BMP6: variants seen among roughly 807,000 people sequenced by gnomAD.
BMP6 encodes bone morphogenetic protein 6.
A neutral mutation model predicts 54.1 loss-of-function variants in BMP6; 17 were observed. The ratio of observed to expected loss-of-function variants is 0.31; its 90% CI spans 0.22 to 0.47. The LOEUF is 0.47. BMP6 is among the 20% of genes least tolerant of loss of function. BMP6 has a pLI of 1.00. For synonymous variants in BMP6, 328 were observed against 291.2 expected, an observed-to-expected ratio of 1.13 and a Z score of -1.28; for missense variants, 720 against 690.4, an observed-to-expected ratio of 1.04 and a Z score of -0.48.
At chr6:7,763,646 T>A (rs1206394909) in intron 1 of BMP6, among the ~76,000 whole-genome samples, 2 of 152,190 alleles carry the variant, frequency 1.3e-5, no homozygotes, top group Non-Finnish European at 2.9e-5. Flanking sequence ...GCAGAACCTC[T>A]GATGGACTCC....
intron 1 of BMP6, among the ~76,000 whole-genome samples, chr6:7,733,948 A>G (rs1336579950): frequency 1.3e-5 from 2 of 150,846 alleles, no homozygotes; most frequent in Non-Finnish European, 2.9e-5. Flanking sequence ...AGAAATTCTC[A>G]GAACCTGCAT....
chr6:7,877,228 GATAA>G (rs956041922), intron 4 of BMP6, among the ~76,000 whole-genome samples: 32 of 152,038 alleles, frequency 2.1e-4, no homozygotes, highest in African/African-American at 7.2e-4. Flanking sequence ...AGGTGGAGAG[GATAA>G]ATAAATTTAG....
intron 1 of BMP6, among the ~76,000 whole-genome samples, chr6:7,761,958 TGTGATCTCAGCTCACTGCAGTGGC>T (rs1246941267): frequency 6.6e-6 from 1 of 152,062 alleles, no homozygotes; most frequent in South Asian, 2.1e-4. Context: ...AGTGTAGTGG[TGTGATCTCAGCTCACTGCAGTGGC>T]GTGATCTCAG....
intron 2 of BMP6, among the ~76,000 whole-genome samples, chr6:7,850,778 A>G (rs903730694): frequency 3.3e-5 from 5 of 152,228 alleles, no homozygotes; most frequent in African/African-American, 1.2e-4. Flanking sequence ...GCTAAACTAC[A>G]GTAGGAGATT....
In BMP6 at chr6:7,793,120, A is replaced by C. The variant is rs1034255401; in HGVS notation, c.665-52020A>C. 8.0e-4 allele frequency among the ~76,000 whole-genome samples: 121 copies of C among 151,280 alleles called. 2 individuals are homozygous for C. The highest frequency in any genetic ancestry group is 6.2e-4 in the South Asian group (3 of 4,820). On this transcript the variant is annotated intron_variant, in intron 1 of 6. Coordinates refer to ENST00000283147, the MANE Select transcript of BMP6 (RefSeq NM_001718.6). ...ACTCAGTCGATTAAGAGTTTTTTTC[A>C]GGTAAGTCTTAATATTCCTGTAGAT...
chr6:7,825,771 CAT>C (rs1224117087), intron 1 of BMP6, among the ~76,000 whole-genome samples: 5 of 151,250 alleles, frequency 3.3e-5, no homozygotes, highest in Non-Finnish European at 5.9e-5. Flanking sequence ...TTTTCAGAGA[CAT>C]AGTGTTTCCC....
In BMP6 at chr6:7,808,110, TG is replaced by T. The variant is rs921812696; in HGVS notation, c.665-37026del. ...TAATTTTTTGTGTTTTTAGTAGAGA[TG>T]GGGTTTCACCGTGTTAGCCAGGATG... On this transcript the variant is annotated intron_variant, in intron 1 of 6. Coordinates refer to ENST00000283147, the MANE Select transcript of BMP6 (RefSeq NM_001718.6). Among the ~76,000 whole-genome samples the T allele has an allele frequency of 6.2e-4, 94 of 151,968 alleles. 3 individuals are homozygous for T. The South Asian group carries it at 0.011, about 18-fold the overall frequency.
At chr6:7,791,835 C>G (rs1195393985) in intron 1 of BMP6, among the ~76,000 whole-genome samples, 1 of 152,164 alleles carries the variant, frequency 6.6e-6, no homozygotes, top group African/African-American at 2.4e-5. Flanking sequence ...CAAATCACAT[C>G]CATTCTACCT....
At chr6:7,820,454 C>T (rs528707112) in intron 1 of BMP6, among the ~76,000 whole-genome samples, 2 of 152,314 alleles carry the variant, frequency 1.3e-5, no homozygotes, top group East Asian at 1.9e-4. Flanking sequence ...CTGATGACTG[C>T]GCATTGGCTC....
chr6:7,732,218 C>A (rs183744131), intron 1 of BMP6, among the ~76,000 whole-genome samples: 2 of 149,690 alleles, frequency 1.3e-5, no homozygotes, highest in Admixed American at 6.6e-5. Flanking sequence ...AAGCTACTCA[C>A]AGCAAAAACA....
intron 1 of BMP6, among the ~76,000 whole-genome samples, chr6:7,834,350 A>G (rs1561786492): frequency 6.6e-6 from 1 of 152,018 alleles, no homozygotes. Context: ...CGGGAGAGTA[A>G]TTTCAGTCCC....
At chr6:7,735,413 C>G (rs924411691) in intron 1 of BMP6, among the ~76,000 whole-genome samples, 7 of 152,214 alleles carry the variant, frequency 4.6e-5, no homozygotes, top group Admixed American at 4.6e-4. Context: ...TTTTCCCTCC[C>G]TCCTTTTGAA....
rs1561792989 is a variant in BMP6, at chr6:7,856,594, C to CTTTTTTTTTTTTTTTTT, written c.858-4857_858-4856insTTTTTTTTTTTTTTTTT. 1.7e-4 allele frequency among the ~76,000 whole-genome samples: 13 copies of CTTTTTTTTTTTTTTTTT among 77,210 alleles called. No individual in the cohort carries two copies. In the East Asian group the frequency reaches 2.8e-3, roughly 16 times the overall value. The allele number at this position is 77,210 out of a possible 152,430, so 50.7% of individuals were successfully genotyped here. On this transcript the variant is annotated intron_variant, in intron 2 of 6. Coordinates refer to ENST00000283147, the MANE Select transcript of BMP6 (RefSeq NM_001718.6). ...TATATAAATGCCAGTTTATCAAGAG[C>CTTTTTTTTTTTTTTTTT]ATTTTTTTTTTTTTTTTTTTGAGAC...
intron 4 of BMP6, among the ~76,000 whole-genome samples, chr6:7,868,802 G>T (rs549669115): frequency 6.6e-6 from 1 of 152,204 alleles, no homozygotes; most frequent in Non-Finnish European, 1.5e-5. Flanking sequence ...TGCGGGGTCA[G>T]CCCAGGGCAG....
chr6:7,735,159 T>C (rs949484757), intron 1 of BMP6, among the ~76,000 whole-genome samples: 12 of 152,230 alleles, frequency 7.9e-5, no homozygotes, highest in African/African-American at 2.7e-4. Context: ...ACCTCCGATA[T>C]CCGCCACGGG....
intron 1 of BMP6, among the ~76,000 whole-genome samples, chr6:7,831,488 AG>A (rs1758793555): frequency 1.3e-5 from 2 of 152,140 alleles, no homozygotes; most frequent in Admixed American, 1.3e-4. Context: ...TGAAAGATAA[AG>A]GAAGGAATGT....
At chr6:7,815,091 T>C (rs1398620656) in intron 1 of BMP6, among the ~76,000 whole-genome samples, 1 of 152,228 alleles carries the variant, frequency 6.6e-6, no homozygotes, top group Non-Finnish European at 1.5e-5. Context: ...TGTAAGATTA[T>C]TCTTCCTTTT....
intron 1 of BMP6, among the ~76,000 whole-genome samples, chr6:7,836,298 T>C (rs1230267822): frequency 1.3e-5 from 2 of 152,224 alleles, no homozygotes; most frequent in African/African-American, 4.8e-5. Context: ...ACTGGATATC[T>C]TCTTAAAAAG....
intron 2 of BMP6, among the ~76,000 whole-genome samples, chr6:7,846,230 A>G (rs1238012721): frequency 6.6e-6 from 1 of 152,090 alleles, no homozygotes; most frequent in Non-Finnish European, 1.5e-5. Context: ...TGGGGGAGGG[A>G]ACTCCATGCT....
Sources: allele counts gnomAD v4.1 joint callset (sites outside exome capture counted in the v4.1 genomes callset), GRCh38; gene constraint gnomAD v4.1.1; transcripts MANE v1.5; gene names NCBI Gene and HGNC (gene_info 2026-07-23, HGNC 2026-07-21).